The following AK9 variants were observed in gnomAD, a reference collection of about 807,000 sequenced individuals.
AK9 encodes the protein adenylate kinase domain containing 1.
A neutral mutation model predicts 239.6 loss-of-function variants in AK9; 191 were observed. The observed-to-expected ratio is 0.80, with a 90% CI of 0.71 to 0.90. AK9 has a LOEUF of 0.90. Ranked by LOEUF, AK9 falls within the 40% of genes least tolerant of loss-of-function variation. The pLI, the probability that AK9 is intolerant of heterozygous loss-of-function variation, is 0.00. For synonymous variants in AK9, 689 were observed against 721.0 expected (o/e 0.96, Z 0.71); for missense variants, 1,995 against 2,214.7 (o/e 0.90, Z 1.99).
intron 19 of AK9, among the ~76,000 whole-genome samples, 199 bp from the exon 20 acceptor site, chr6:109,579,825 T>C (rs1012988338): frequency 1.2e-4 from 18 of 152,210 alleles, no homozygotes; most frequent in African/African-American, 4.3e-4. Flanking sequence ...TGGAATGTTA[T>C]ACTTTGAAAA....
intron 38 of AK9, 73 bp downstream of exon 38, chr6:109,497,389 CACT>C: frequency 1.1e-6 from 1 of 880,826 alleles, no homozygotes; most frequent in Non-Finnish European, 1.9e-6. Context: ...CTCTCTCACA[CACT>C]CCTCTCCCCC....
intron 8 of AK9, among the ~76,000 whole-genome samples, chr6:109,648,905 G>A (rs1236544917): frequency 6.6e-6 from 1 of 152,158 alleles, no homozygotes; most frequent in Non-Finnish European, 1.5e-5. Context: ...GATCAAGTGG[G>A]CTTCATCCCT....
In AK9 at chr6:109,533,369, A is replaced by G; in HGVS notation, c.3452T>C (p.Val1151Ala). 6.2e-7 allele frequency: 1 copy of G among 1,611,410 alleles called. No individual in the cohort carries two copies. Among genetic ancestry groups the G allele is most frequent in the Non-Finnish European group, 8.5e-7 (1 of 1,178,842 alleles). The change falls in exon 28 of 41, where the codon GTT becomes GCT. Residue 1151 changes from valine (V) to alanine (A), a missense_variant. This residue lies in a region of AK9 where 1,290 missense variants were observed against 1,392.7 expected (regional missense o/e 0.93). Transcript: ENST00000424296. ...FFPDAAVFIQ[V>A]DDQDIFDRLL... The stretch of plus-strand genomic sequence containing the variant: ...GCGATCAAAAATATCTTGATCATCA[A>G]CTTGTATAAAAACAGCTGCATCTGG...
intron 5 of AK9, among the ~76,000 whole-genome samples, chr6:109,664,102 C>CA (rs1260087485): frequency 6.6e-6 from 1 of 152,112 alleles, no homozygotes; most frequent in Non-Finnish European, 1.5e-5. Flanking sequence ...ATAAAATATG[C>CA]AATTTATGTT....
intron 27 of AK9, among the ~76,000 whole-genome samples, chr6:109,538,476 C>G (rs1426440053): frequency 1.3e-5 from 2 of 152,092 alleles, no homozygotes; most frequent in African/African-American, 4.8e-5. Flanking sequence ...TCCTCCATCC[C>G]TTTATTTTGA....
At chr6:109,587,775 G>C (rs1228575856) in intron 17 of AK9, among the ~76,000 whole-genome samples, 1 of 152,106 alleles carries the variant, frequency 6.6e-6, no homozygotes, top group African/African-American at 2.4e-5. Context: ...GTGTCTTTTT[G>C]ATAAAAAGGC....
intron 24 of AK9, among the ~76,000 whole-genome samples, chr6:109,552,243 A>C (rs1007764679): frequency 1.4e-4 from 21 of 152,316 alleles, no homozygotes; most frequent in African/African-American, 4.8e-4. Flanking sequence ...TTGCTGAGTC[A>C]ACTGGTATTT....
At chr6:109,686,242 T>C (rs1054105993) in intron 1 of AK9, among the ~76,000 whole-genome samples, 1 of 152,192 alleles carries the variant, frequency 6.6e-6, no homozygotes, top group African/African-American at 2.4e-5. Flanking sequence ...GATCCCCTTA[T>C]AAAGACACAT....
At chr6:109,625,618 T>G (rs1243390208) in intron 12 of AK9, among the ~76,000 whole-genome samples, 2 of 152,192 alleles carry the variant, frequency 1.3e-5, no homozygotes, top group African/African-American at 2.4e-5. Context: ...GTGCTCCTTA[T>G]GAGAATCTAA....
At chr6:109,673,592 A>C (rs1414670474) in intron 3 of AK9, among the ~76,000 whole-genome samples, 1 of 152,102 alleles carries the variant, frequency 6.6e-6, no homozygotes, top group East Asian at 1.9e-4. Flanking sequence ...AAAATTTATA[A>C]ATAAAAAATA....
rs1477132378 is a variant in AK9, at chr6:109,622,458, TATA to T, written c.1255-3225_1255-3223del. Among the ~76,000 whole-genome samples the T allele has an allele frequency of 5.0e-4, 71 of 142,846 alleles. 2 individuals are homozygous for T. The South Asian group carries it at 0.01, about 21-fold the overall frequency. 93.7% of individuals were successfully genotyped at this position (142,846 alleles called of 152,430 possible). On this transcript the variant is annotated intron_variant, in intron 12 of 40. Coordinates refer to ENST00000424296, the MANE Select transcript of AK9 (RefSeq NM_001145128.3). ...TAGTATATTATACATCAATGTATAA[TATA>T]ATATTAATATAATATATATTAATAT...
At chr6:109,601,673 G>C (rs983085364) in intron 17 of AK9, among the ~76,000 whole-genome samples, 6 of 152,156 alleles carry the variant, frequency 3.9e-5, no homozygotes, top group African/African-American at 1.4e-4. Flanking sequence ...AATGTTGATA[G>C]TGGGGTGTTA....
At chr6:109,502,257 A>G (rs1043216076) in intron 35 of AK9, among the ~76,000 whole-genome samples, 5 of 152,194 alleles carry the variant, frequency 3.3e-5, no homozygotes, top group Non-Finnish European at 7.3e-5. Flanking sequence ...GTTTCCCAAA[A>G]AGATATATTG....
chr6:109,608,880 C>T (rs369059522), intron 17 of AK9, among the ~76,000 whole-genome samples: 2 of 152,180 alleles, frequency 1.3e-5, no homozygotes, highest in East Asian at 3.9e-4. Flanking sequence ...CAAAACCCCC[C>T]AAACCCCAAA....
At chr6:109,565,313 C>T (rs1210177999) in intron 21 of AK9, among the ~76,000 whole-genome samples, 4 of 151,874 alleles carry the variant, frequency 2.6e-5, no homozygotes, top group African/African-American at 9.7e-5. Context: ...CACATCCCTA[C>T]AAAAAATAAA....
chr6:109,600,425 A>C (rs548724790), intron 17 of AK9, among the ~76,000 whole-genome samples: 1 of 152,238 alleles, frequency 6.6e-6, no homozygotes, highest in African/African-American at 2.4e-5. Flanking sequence ...CCAGGGATGA[A>C]GCCCACTTGA....
intron 26 of AK9, among the ~76,000 whole-genome samples, chr6:109,544,951 T>G (rs1783343442): frequency 6.6e-6 from 1 of 152,196 alleles, no homozygotes; most frequent in Admixed American, 6.5e-5. Flanking sequence ...AAGGAAAATT[T>G]TTCTGAATTT....
intron 29 of AK9, chr6:109,528,305 G>A (rs1780771441): frequency 2.8e-6 from 1 of 353,744 alleles, no homozygotes; most frequent in African/African-American, 2.1e-5. Flanking sequence ...CAAACTTTCA[G>A]AACATGTTTG....
chr6:109,516,652 A>C lies in AK9; in HGVS notation c.3634-10T>G. 1.3e-6 allele frequency: 2 copies of C among 1,540,690 alleles called. No individual in the cohort carries two copies. The highest frequency in any genetic ancestry group is 1.8e-6 in the Non-Finnish European group (2 of 1,139,432). On this transcript the variant is annotated splice_polypyrimidine_tract_variant and intron_variant, in intron 29 of 40. Transcript: ENST00000424296. ...CATCTCTAACAACATTCTAAGGAAG[A>C]AAATATTCCCTTTTACTATACATAT... is the stretch of plus-strand genomic sequence containing the variant.
Sources: allele counts gnomAD v4.1 joint callset (sites outside exome capture counted in the v4.1 genomes callset), GRCh38; gene constraint gnomAD v4.1.1; regional missense constraint gnomAD v4.1.1; transcripts MANE v1.5; gene names NCBI Gene and HGNC (gene_info 2026-07-23, HGNC 2026-07-21).